The following MLLT10 variants were observed in gnomAD, a reference collection of about 807,000 sequenced individuals.
MLLT10 encodes protein AF-10.
A neutral mutation model predicts 129.1 loss-of-function variants in MLLT10; 30 were observed. The ratio of observed to expected loss-of-function variants is 0.23; its 90% confidence interval spans 0.17 to 0.32. The LOEUF (loss-of-function observed/expected upper bound fraction) is 0.32. MLLT10 is among the 10% of genes least tolerant of loss of function. The pLI, the probability that MLLT10 is intolerant of heterozygous loss-of-function variation, is 1.00. For missense variants in MLLT10, 1,119 were observed against 1,268.3 expected (o/e 0.88, Z 1.79); for synonymous variants, 490 against 446.4 (o/e 1.10, Z -1.23).
At chr10:21,676,335 G>A (rs1159344035) in intron 11 of MLLT10, among the ~76,000 whole-genome samples, 3 of 151,168 alleles carry the variant, frequency 2.0e-5, no homozygotes, top group Admixed American at 6.6e-5. Context: ...GGAGAATGGC[G>A]TGAACCTGAG....
intron 3 of MLLT10, among the ~76,000 whole-genome samples, chr10:21,543,095 A>G (rs2035469987): frequency 6.6e-6 from 1 of 151,442 alleles, no homozygotes; most frequent in African/African-American, 2.4e-5. Context: ...AGTAGCTGAG[A>G]TTACAGACAC....
chr10:21,722,097 A>G (rs1343611837), intron 14 of MLLT10, among the ~76,000 whole-genome samples: 1 of 152,036 alleles, frequency 6.6e-6, no homozygotes, highest in Non-Finnish European at 1.5e-5. Context: ...ATATATATAT[A>G]AACTTAAGTT....
At position 21,741,925 on chromosome 10, in the gene MLLT10, T is replaced by C; in HGVS notation, c.3163-14T>C. 6.2e-7 allele frequency: 1 copy of C among 1,609,226 alleles called. No individual in the cohort carries two copies. Among genetic ancestry groups the C allele is most frequent in the Non-Finnish European group, 8.5e-7 (1 of 1,178,438 alleles). ...TGATTTAGCTAACGCATCTGCTCTTTTGTTTACCTGCAGAGACTTAGTGAT... is the reference window on the plus strand; with the variant it reads ...TGATTTAGCTAACGCATCTGCTCTTCTGTTTACCTGCAGAGACTTAGTGAT... On this transcript the variant is annotated splice_polypyrimidine_tract_variant and intron_variant, in intron 22 of 22. Coordinates refer to ENST00000307729, the MANE Select transcript of MLLT10 (RefSeq NM_001195626.3).
chr10:21,599,505 A>AT (rs2043323604), intron 5 of MLLT10, among the ~76,000 whole-genome samples: 1 of 152,026 alleles, frequency 6.6e-6, no homozygotes, highest in Non-Finnish European at 1.5e-5. Context: ...GTTCATTTTA[A>AT]TTTTTTCCCC....
At chr10:21,684,878 T>C (rs1475081696) in intron 13 of MLLT10, among the ~76,000 whole-genome samples, 1 of 152,250 alleles carries the variant, frequency 6.6e-6, no homozygotes, top group African/African-American at 2.4e-5. Flanking sequence ...TATACTACTA[T>C]GTGCAACATC....
chr10:21,659,554 G>T (rs2049960226), intron 9 of MLLT10, among the ~76,000 whole-genome samples: 1 of 150,466 alleles, frequency 6.6e-6, no homozygotes, highest in African/African-American at 2.5e-5. Flanking sequence ...TTTGTTGGCA[G>T]GGTTGGAGTG....
At chr10:21,577,859 G>A (rs2040952588) in intron 3 of MLLT10, among the ~76,000 whole-genome samples, 1 of 152,036 alleles carries the variant, frequency 6.6e-6, no homozygotes, top group African/African-American at 2.4e-5. Flanking sequence ...GCATGAGGTA[G>A]TATCTGATTG....
At chr10:21,556,989 A>G (rs1438281752) in intron 3 of MLLT10, 3 of 1,498,328 alleles carry the variant, frequency 2.0e-6, no homozygotes, top group East Asian at 2.5e-5. Flanking sequence ...GGTCTTTTAT[A>G]TTTCTTACAG....
intron 22 of MLLT10, 107 bp from the exon 23 acceptor site, chr10:21,741,832 G>A: frequency 8.5e-7 from 1 of 1,177,434 alleles, no homozygotes. Context: ...CAAGAAAAAA[G>A]GGAGTAACTT....
chr10:21,575,233 C>G (rs1288668901), intron 3 of MLLT10, among the ~76,000 whole-genome samples: 1 of 151,808 alleles, frequency 6.6e-6, no homozygotes, highest in Non-Finnish European at 1.5e-5. Flanking sequence ...GTGCTGCCAC[C>G]CAGGCTAGAG....
chr10:21,552,000 C>T, intron 3 of MLLT10: 1 of 258,814 alleles, frequency 3.9e-6, no homozygotes, highest in Non-Finnish European at 7.6e-6. Flanking sequence ...CCATGTTGGC[C>T]AGGCTGGTCT....
chr10:21,581,800 T>C (rs944985407), intron 3 of MLLT10, among the ~76,000 whole-genome samples: 4 of 152,232 alleles, frequency 2.6e-5, no homozygotes, highest in African/African-American at 9.6e-5. Context: ...CATGTGGAAC[T>C]GTGAGTCAAT....
intron 13 of MLLT10, among the ~76,000 whole-genome samples, chr10:21,694,737 A>T (rs2054192234): frequency 6.6e-6 from 1 of 152,212 alleles, no homozygotes; most frequent in Admixed American, 6.5e-5. Context: ...ACAAATTATC[A>T]GAAAGTTAGC....
At chr10:21,618,321 CTG>C (rs2045467196) in intron 8 of MLLT10, among the ~76,000 whole-genome samples, 1 of 151,624 alleles carries the variant, frequency 6.6e-6, no homozygotes, top group Admixed American at 6.6e-5. Flanking sequence ...CATGGTGAAA[CTG>C]TGTCTCTACT....
At chr10:21,670,183 A>G (rs2051245951) in intron 9 of MLLT10, among the ~76,000 whole-genome samples, 1 of 152,164 alleles carries the variant, frequency 6.6e-6, no homozygotes, top group Non-Finnish European at 1.5e-5. Context: ...TATAACTAAT[A>G]CATACTTTTA....
intron 3 of MLLT10, among the ~76,000 whole-genome samples, chr10:21,570,065 A>G (rs2040036672): frequency 6.6e-6 from 1 of 151,980 alleles, no homozygotes; most frequent in Non-Finnish European, 1.5e-5. Context: ...ATGTGTCACC[A>G]TGCCCAGCTA....
rs74120977 is a variant in MLLT10 at position 21,600,688 on chromosome 10, T to C, written c.405+5248T>C. 5.7e-3 allele frequency among the ~76,000 whole-genome samples: 874 copies of C among 152,318 alleles called. 10 individuals are homozygous for C. The highest frequency in any genetic ancestry group is 0.02 in the African/African-American group (828 of 41,576). ...AAATTGATTTTTCTTTTCTGGAAAA[T>C]TGAATCATTTTGAAAAGCAAAATCT... On this transcript the variant is annotated intron_variant, in intron 5 of 22. Transcript: ENST00000307729.
chr10:21,546,798 G>A (rs892489062), intron 3 of MLLT10, among the ~76,000 whole-genome samples: 19 of 151,612 alleles, frequency 1.3e-4, no homozygotes, highest in Admixed American at 1.1e-3. Context: ...TGCAATCTTG[G>A]CTCACCACAA....
intron 14 of MLLT10, among the ~76,000 whole-genome samples, chr10:21,719,981 T>C (rs1448806460): frequency 6.6e-6 from 1 of 152,212 alleles, no homozygotes; most frequent in Non-Finnish European, 1.5e-5. Flanking sequence ...CTTTCCCAGT[T>C]CCAAAATTAT....
Sources: gnomAD v4.1 joint callset for allele counts (sites outside exome capture counted in the v4.1 genomes callset) on GRCh38, gnomAD v4.1.1 for gene constraint, MANE v1.5 for transcripts, NCBI Gene and HGNC (gene_info 2026-07-23, HGNC 2026-07-21) for gene names.